Variants in CAMK4 observed in about 807,000 individuals in gnomAD.
CAMK4 encodes calcium/calmodulin-dependent protein kinase type IV.
In CAMK4, 22 loss-of-function variants were observed where a neutral mutation model predicts 44.9. The observed-to-expected ratio is 0.49, with a 90% CI of 0.35 to 0.70. The LOEUF is 0.70. Among genes scored for constraint, CAMK4 ranks in the 30% least tolerant of loss-of-function variants. The probability of loss-of-function intolerance (pLI) is 0.01; values close to 1 mark genes in which losing one functional copy is unlikely to be tolerated. For missense variants in CAMK4, 498 were observed against 586.8 expected (o/e 0.85, Z 1.56); for synonymous variants, 218 against 215.4 (o/e 1.01, Z -0.11).
At chr5:111,466,239 C>T (rs943748000) in intron 7 of CAMK4, among the ~76,000 whole-genome samples, 2 of 152,164 alleles carry the variant, frequency 1.3e-5, no homozygotes, top group Non-Finnish European at 2.9e-5. Context: ...CCAAAGCTAA[C>T]ATAATACCGA....
At chr5:111,444,748 A>G (rs1753967918) in intron 5 of CAMK4, among the ~76,000 whole-genome samples, 2 of 152,216 alleles carry the variant, frequency 1.3e-5, no homozygotes, top group Non-Finnish European at 2.9e-5. Flanking sequence ...CACATGAGGT[A>G]GGAAACGAGA....
At position 111,484,542 on chromosome 5, in the gene CAMK4, C is replaced by T; in HGVS notation, c.*76C>T. 1 of 995,596 alleles carries T rather than the reference C, an allele frequency of 1.0e-6. No individual in the cohort carries two copies. Among genetic ancestry groups the T allele is most frequent in the Non-Finnish European group, 1.4e-6 (1 of 690,344 alleles). The allele number at this position is 995,596 out of a possible 1,614,324, so 61.7% of individuals were successfully genotyped here. ...TCCTTCAGCAAGAAAGGTGTGGAAG[C>T]ATGATATGTACTATAGTGATTCTGT... On this transcript the variant is annotated 3_prime_UTR_variant, in exon 11 of 11. Coordinates refer to ENST00000282356, the MANE Select transcript of CAMK4 (RefSeq NM_001744.6). The surrounding 1 kb of genome is among the most constrained non-coding windows in gnomAD (Gnocchi z 5.3).
At chr5:111,262,300 G>A (rs1306170106) in intron 1 of CAMK4, among the ~76,000 whole-genome samples, 1 of 152,086 alleles carries the variant, frequency 6.6e-6, no homozygotes, top group East Asian at 1.9e-4. Flanking sequence ...GGAAAATTGC[G>A]GGAGGATGTT....
At chr5:111,316,868 T>C (rs559926804) in intron 1 of CAMK4, among the ~76,000 whole-genome samples, 8 of 152,128 alleles carry the variant, frequency 5.3e-5, no homozygotes, top group Non-Finnish European at 7.4e-5. Context: ...GAAAGACTGG[T>C]TGAGAACAAA....
chr5:111,243,126 G>A (rs1749079663), intron 1 of CAMK4, among the ~76,000 whole-genome samples: 1 of 152,172 alleles, frequency 6.6e-6, no homozygotes, highest in Non-Finnish European at 1.5e-5. Context: ...TTTCACTCAG[G>A]ACCATTGAAT....
At chr5:111,283,161 T>C (rs899340266) in intron 1 of CAMK4, 1 of 152,234 alleles carries the variant, frequency 6.6e-6, no homozygotes, top group African/African-American at 2.4e-5. Flanking sequence ...ACTGTCTAGA[T>C]TTGCATAAAG....
At chr5:111,408,007 G>C (rs1752499191) in intron 5 of CAMK4, among the ~76,000 whole-genome samples, 1 of 152,090 alleles carries the variant, frequency 6.6e-6, no homozygotes, top group Non-Finnish European at 1.5e-5. Context: ...TACTCAGGAG[G>C]CTGAGGCAGG....
intron 7 of CAMK4, among the ~76,000 whole-genome samples, chr5:111,459,331 C>T (rs1754551320): frequency 6.6e-6 from 1 of 152,176 alleles, no homozygotes; most frequent in Non-Finnish European, 1.5e-5. Flanking sequence ...AACATTCTAA[C>T]AACTAAAGCT....
chr5:111,317,412 G>A (rs1187689611), intron 1 of CAMK4, among the ~76,000 whole-genome samples: 1 of 152,126 alleles, frequency 6.6e-6, no homozygotes, highest in East Asian at 1.9e-4. Context: ...TATGTTTTAA[G>A]AAAGAATTTG....
rs1256450561 is a variant in CAMK4 at position 111,392,872 on chromosome 5, A to C, written c.387-1838A>C. Among the ~76,000 whole-genome samples, 4 of 152,136 alleles carry C rather than the reference A, an allele frequency of 2.6e-5. No homozygotes were observed. In the East Asian group the frequency reaches 5.8e-4, roughly 22 times the overall value. On this transcript the variant is annotated intron_variant, in intron 4 of 10. Coordinates refer to ENST00000282356, the MANE Select transcript of CAMK4 (RefSeq NM_001744.6). ...GGTATTATATTATACTGGATAGTAA[A>C]ATAACCACCAAAGACTTCAAAAGCC...
intron 5 of CAMK4, among the ~76,000 whole-genome samples, chr5:111,418,183 G>A (rs1411831620): frequency 6.6e-6 from 1 of 152,118 alleles, no homozygotes; most frequent in Non-Finnish European, 1.5e-5. Flanking sequence ...GGGCATCCAG[G>A]GGAGACATCA....
chr5:111,449,346 T>C (rs1454730319), intron 7 of CAMK4, 143 bp downstream of exon 7: 4 of 511,474 alleles, frequency 7.8e-6, no homozygotes, highest in Non-Finnish European at 1.4e-5. Flanking sequence ...AAGGCATACA[T>C]AAATAATACT....
intron 1 of CAMK4, among the ~76,000 whole-genome samples, chr5:111,328,586 A>G (rs1481681626): frequency 2.0e-5 from 3 of 152,016 alleles, no homozygotes; most frequent in Non-Finnish European, 2.9e-5. Flanking sequence ...CATTGAATCT[A>G]TAAAATACCT....
chr5:111,442,190 TATC>T (rs1489985586), intron 5 of CAMK4, among the ~76,000 whole-genome samples: 1 of 152,136 alleles, frequency 6.6e-6, no homozygotes, highest in Non-Finnish European at 1.5e-5. Flanking sequence ...AAAATCATTT[TATC>T]ATAATATGAA....
chr5:111,241,579 C>T (rs1039698847), intron 1 of CAMK4, among the ~76,000 whole-genome samples: 7 of 152,122 alleles, frequency 4.6e-5, no homozygotes, highest in African/African-American at 1.4e-4. Context: ...AAGTCTAGCT[C>T]ACCCTTGGGG....
chr5:111,357,672 G>C (rs1045182161), intron 2 of CAMK4, among the ~76,000 whole-genome samples: 2 of 152,006 alleles, frequency 1.3e-5, no homozygotes, highest in African/African-American at 4.8e-5. Context: ...GATCCATATA[G>C]TTTTCAGTAC....
Position 111,281,141 on chromosome 5 carries a change from G to GT in CAMK4, c.161+56498dup, listed in dbSNP as rs530971504. 1.1e-3 allele frequency among the ~76,000 whole-genome samples: 167 copies of GT among 152,276 alleles called. 3 individuals carry two copies. The South Asian group carries it at 0.033, about 30-fold the overall frequency. On this transcript the variant is annotated intron_variant, in intron 1 of 10. Transcript: ENST00000282356. ...TACAGGCAAGGCCCTAGTTTGCTAG[G>GT]TGTCAAGAGACTATTAAAGCAGAGG...
At chr5:111,433,275 C>G (rs985948648) in intron 5 of CAMK4, among the ~76,000 whole-genome samples, 4 of 152,180 alleles carry the variant, frequency 2.6e-5, no homozygotes, top group African/African-American at 9.7e-5. Flanking sequence ...AAGGAGTAAT[C>G]TAGAGTTGTA....
chr5:111,445,463 C>G (rs912972152), intron 5 of CAMK4, among the ~76,000 whole-genome samples: 1 of 151,926 alleles, frequency 6.6e-6, no homozygotes, highest in African/African-American at 2.4e-5. Context: ...GGGTCTTGCT[C>G]TATCACCCAG....
Sources: allele counts gnomAD v4.1 joint callset (sites outside exome capture counted in the v4.1 genomes callset), GRCh38; gene constraint gnomAD v4.1.1; non-coding constraint Gnocchi (gnomAD v3.1); transcripts MANE v1.5; gene names NCBI Gene and HGNC (gene_info 2026-07-23, HGNC 2026-07-21).